Variants in STK38 observed in about 807,000 individuals in gnomAD.
The protein encoded by STK38 is serine/threonine-protein kinase 38.
Under a neutral mutation model 59.0 loss-of-function variants are expected in STK38, and 26 were observed. The ratio of observed to expected loss-of-function variants is 0.44; its 90% CI spans 0.32 to 0.61. STK38 has a LOEUF of 0.61. Among genes scored for constraint, STK38 ranks in the 20% least tolerant of loss-of-function variants. STK38 has a pLI of 0.04. For synonymous variants in STK38, 175 were observed against 176.6 expected, an observed-to-expected ratio of 0.99 and a Z score of 0.07; for missense variants, 433 against 566.0, an observed-to-expected ratio of 0.76 and a Z score of 2.38.
chr6:36,530,691 CTT>C (rs760949624), intron 2 of STK38, among the ~76,000 whole-genome samples: 42 of 122,562 alleles, frequency 3.4e-4, no homozygotes, highest in Admixed American at 4.1e-4. Flanking sequence ...CTTTTCTTTT[CTT>C]TTTTTTTTTT....
rs1159381378 is a variant in STK38 at position 36,497,855 on chromosome 6, T to C, written c.1097A>G (p.His366Arg). ...LILRFCCEWE[H>R]RIGAPGVEEI... ...CTCAACTCCAGGAGCTCCAATTCTATGTTCCCATTCACAGCAGAACCTGGA... is the reference window on the plus strand; with the variant it reads ...CTCAACTCCAGGAGCTCCAATTCTACGTTCCCATTCACAGCAGAACCTGGA... Residue 366 changes from histidine to arginine, a missense_variant, in exon 12 of 14, where the codon CAT becomes CGT. This residue lies in a region of STK38 where 136 missense variants were observed against 156.7 expected (regional missense o/e 0.87). Coordinates refer to ENST00000229812, the MANE Select transcript of STK38 (RefSeq NM_007271.4). The C allele has an allele frequency of 1.9e-6, 3 of 1,613,492 alleles. No individual in the cohort carries two copies. The highest frequency in any genetic ancestry group is 1.6e-4 in the Middle Eastern group (1 of 6,062).
chr6:36,511,557 C>T (rs1405042853), intron 7 of STK38, among the ~76,000 whole-genome samples: 1 of 151,610 alleles, frequency 6.6e-6, no homozygotes, highest in African/African-American at 2.4e-5. Flanking sequence ...AGGGTTTTAC[C>T]ACCTTGGCCA....
rs771034473 is a variant in STK38 at position 36,525,598 on chromosome 6, T to C, written c.176A>G (p.Asp59Gly). The C allele has an allele frequency of 6.2e-7, 1 of 1,613,800 alleles. No individual in the cohort carries two copies. The highest frequency in any genetic ancestry group is 8.5e-7 in the Non-Finnish European group (1 of 1,179,774). The change falls in exon 3 of 14, where the codon GAT becomes GGT. Residue 59 changes from aspartate to glycine, a missense_variant. By Grantham distance (94) the Asp-to-Gly change is moderately conservative (BLOSUM62 -1). Around this residue, in one of 3 missense-constraint regions of STK38, gnomAD observed 293 missense variants for 388.2 expected, o/e 0.75. Coordinates refer to ENST00000229812, the MANE Select transcript of STK38 (RefSeq NM_007271.4). ...EKVMEEEGLK[D>G]EEKRLRRSAH... ...ATTGCCAATATTAATTACCTCCTCA[T>C]CTTTTAGGCCTTCTTCTTCCATCAC... is the stretch of plus-strand genomic sequence containing the variant.
chr6:36,530,661 C>T (rs995759792), intron 2 of STK38, among the ~76,000 whole-genome samples: 6 of 150,670 alleles, frequency 4.0e-5, no homozygotes, highest in African/African-American at 1.5e-4. Flanking sequence ...GCCACCACAC[C>T]CGGCCTTTTT....
At chr6:36,513,658 T>G (rs1165466650) in intron 7 of STK38, among the ~76,000 whole-genome samples, 1 of 151,716 alleles carries the variant, frequency 6.6e-6, no homozygotes, top group Non-Finnish European at 1.5e-5. Context: ...TCCCCGTCTC[T>G]GCTACACTCT....
chr6:36,505,575 G>C (rs938859751), intron 9 of STK38, among the ~76,000 whole-genome samples: 1 of 152,140 alleles, frequency 6.6e-6, no homozygotes, highest in Admixed American at 6.5e-5. Flanking sequence ...GTACTCTAGA[G>C]AACTGTAAAT....
intron 7 of STK38, among the ~76,000 whole-genome samples, chr6:36,509,085 A>G (rs545894076): frequency 2.0e-5 from 3 of 152,312 alleles, no homozygotes; most frequent in Admixed American, 2.0e-4. Context: ...CGAGCAAGGG[A>G]GACATATTTC....
intron 10 of STK38, 129 bp downstream of exon 10, chr6:36,499,743 TA>T (rs1281636014): frequency 5.0e-6 from 4 of 797,064 alleles, no homozygotes; most frequent in South Asian, 1.5e-5. Context: ...GTCATCTGTC[TA>T]AAACAATTCA....
At chr6:36,538,557 C>G (rs1269217121) in intron 2 of STK38, among the ~76,000 whole-genome samples, 1 of 152,078 alleles carries the variant, frequency 6.6e-6, no homozygotes, top group Admixed American at 6.5e-5. Flanking sequence ...GTTATATAAG[C>G]AGAAATATTC....
At chr6:36,527,231 TATATGTATATACACATGTATAC>T (rs1777546037) in intron 2 of STK38, among the ~76,000 whole-genome samples, 1 of 144,776 alleles carries the variant, frequency 6.9e-6, no homozygotes, top group South Asian at 2.1e-4. Flanking sequence ...TATATATATT[TATATGTATATACACATGTATAC>T]ATATGTATAT....
intron 7 of STK38, 136 bp from the exon 8 acceptor site, chr6:36,507,738 T>C: frequency 1.7e-6 from 1 of 580,376 alleles, no homozygotes; most frequent in South Asian, 2.8e-5. Context: ...ATAGGAAAAA[T>C]CATGTAATTG....
In STK38 at chr6:36,495,734, T is replaced by C. The variant is rs777203991; in HGVS notation, c.*50A>G. On this transcript the variant is annotated 3_prime_UTR_variant, in exon 14 of 14. Transcript: ENST00000229812. The stretch of plus-strand genomic sequence containing the variant: ...CTTCAAGAGTGTGAGAGGAAAAGCA[T>C]GATGTTATACAAAGAACTCTGCTCC... 15 of 1,609,478 alleles carry C rather than the reference T, an allele frequency of 9.3e-6. No individual in the cohort carries two copies. The highest frequency in any genetic ancestry group is 1.3e-5 in the African/African-American group (1 of 74,782).
chr6:36,524,893 G>C (rs1350732517), intron 3 of STK38, among the ~76,000 whole-genome samples: 1 of 152,074 alleles, frequency 6.6e-6, no homozygotes, highest in Non-Finnish European at 1.5e-5. Context: ...CACCGTCCTG[G>C]GTTCTGCAAG....
chr6:36,521,725 G>C lies in STK38; in HGVS notation c.390+9C>G. The stretch of plus-strand genomic sequence containing the variant: ...ATAAGCTAAAAGCACTGCTACAACT[G>C]TGCTTTACCTGCTCTTTTTCAAGCA... On this transcript the variant is annotated intron_variant, in intron 5 of 13. Coordinates refer to ENST00000229812, the MANE Select transcript of STK38 (RefSeq NM_007271.4). 6.2e-7 allele frequency: 1 copy of C among 1,604,448 alleles called. No individual in the cohort carries two copies. The highest frequency in any genetic ancestry group is 8.5e-7 in the Non-Finnish European group (1 of 1,176,702).
chr6:36,510,800 C>T (rs559658769), intron 7 of STK38, among the ~76,000 whole-genome samples: 4 of 152,186 alleles, frequency 2.6e-5, no homozygotes, highest in African/African-American at 4.8e-5. Context: ...GTTAAAATGG[C>T]GGAACCAAAA....
chr6:36,545,928 C>T (rs1169784583), intron 1 of STK38, among the ~76,000 whole-genome samples: 1 of 152,194 alleles, frequency 6.6e-6, no homozygotes, highest in East Asian at 1.9e-4. Flanking sequence ...TATGGTTATG[C>T]CTGGCTAACT....
At chr6:36,517,681 A>C in intron 6 of STK38, 36 bp downstream of exon 6, 5 of 1,606,214 alleles carry the variant, frequency 3.1e-6, no homozygotes, top group Non-Finnish European at 4.3e-6. Context: ...CCACAGAACA[A>C]AAAGAAAAAA....
chr6:36,524,870 G>A (rs573219194), intron 3 of STK38, among the ~76,000 whole-genome samples: 1 of 152,218 alleles, frequency 6.6e-6, no homozygotes, highest in South Asian at 2.1e-4. Flanking sequence ...TACAAGTATT[G>A]GGTATTTTTC....
At chr6:36,528,813 C>G (rs1777598539) in intron 2 of STK38, among the ~76,000 whole-genome samples, 1 of 152,190 alleles carries the variant, frequency 6.6e-6, no homozygotes, top group African/African-American at 2.4e-5. Context: ...ATGACTACAT[C>G]AGAATGGGCT....
Sources: allele counts gnomAD v4.1 joint callset (sites outside exome capture counted in the v4.1 genomes callset), GRCh38; gene constraint gnomAD v4.1.1; regional missense constraint gnomAD v4.1.1; transcripts MANE v1.5; gene names NCBI Gene and HGNC (gene_info 2026-07-23, HGNC 2026-07-21).